LDB2: variants seen among roughly 807,000 people sequenced by gnomAD.
The protein encoded by LDB2 is LIM domain binding 2.
A neutral mutation model predicts 44.3 loss-of-function variants in LDB2; 12 were observed. The observed-to-expected ratio is 0.27, with a 90% CI of 0.17 to 0.44. The LOEUF (loss-of-function observed/expected upper bound fraction) is 0.44. LDB2 is among the 20% of genes least tolerant of loss of function. LDB2 has a pLI of 1.00. For missense variants in LDB2, 344 were observed against 473.5 expected, an observed-to-expected ratio of 0.73 and a Z score of 2.54; for synonymous variants, 164 against 174.8, an observed-to-expected ratio of 0.94 and a Z score of 0.49.
Position 16,748,182 on chromosome 4 carries a change from T to A in LDB2, c.235+10976A>T, listed in dbSNP as rs147605409. Among the ~76,000 whole-genome samples the A allele has an allele frequency of 3.0e-3, 464 of 152,296 alleles. 6 individuals carry two copies. Among genetic ancestry groups the A allele is most frequent in the African/African-American group, 0.011 (451 of 41,566 alleles). On this transcript the variant is annotated intron_variant, in intron 2 of 7. Transcript: ENST00000304523. ...CTTTTTCAGATCTTCAGAATGATAA[T>A]TAGTGTCATCATTGTCAAGTTCAAG...
intron 1 of LDB2, among the ~76,000 whole-genome samples, chr4:16,847,301 G>T (rs1787220187): frequency 6.6e-6 from 1 of 152,136 alleles, no homozygotes; most frequent in Non-Finnish European, 1.5e-5. Flanking sequence ...GGACCAGAAT[G>T]TGGTCAGAGG....
At chr4:16,684,493 C>A (rs901803400) in intron 2 of LDB2, among the ~76,000 whole-genome samples, 1 of 152,146 alleles carries the variant, frequency 6.6e-6, no homozygotes, top group African/African-American at 2.4e-5. Flanking sequence ...TGTATATATT[C>A]CCTGATTACT....
At chr4:16,744,297 C>T (rs1414512670) in intron 2 of LDB2, among the ~76,000 whole-genome samples, 4 of 151,660 alleles carry the variant, frequency 2.6e-5, no homozygotes, top group African/African-American at 9.7e-5. Flanking sequence ...ATTGGGATTA[C>T]AGGCACCCGC....
chr4:16,587,307 G>A (rs188389001), intron 4 of LDB2, among the ~76,000 whole-genome samples: 44 of 152,276 alleles, frequency 2.9e-4, no homozygotes, highest in Admixed American at 7.2e-4. Context: ...CTCTTAATTC[G>A]ATGGTCTGAA....
intron 2 of LDB2, among the ~76,000 whole-genome samples, chr4:16,683,538 A>G (rs550285831): frequency 6.6e-6 from 1 of 152,178 alleles, no homozygotes; most frequent in South Asian, 2.1e-4. Context: ...AAATTGTGTC[A>G]TTTTTCAGGA....
intron 2 of LDB2, among the ~76,000 whole-genome samples, chr4:16,649,301 G>C (rs184769642): frequency 3.3e-5 from 5 of 152,318 alleles, no homozygotes; most frequent in Admixed American, 3.3e-4. Context: ...TGCCCCAAGT[G>C]TTGCCTGTAA....
At chr4:16,806,042 T>G (rs966726856) in intron 1 of LDB2, among the ~76,000 whole-genome samples, 4 of 152,220 alleles carry the variant, frequency 2.6e-5, no homozygotes, top group African/African-American at 9.6e-5. Context: ...AGATCTCTCA[T>G]ATAATTCTCA....
chr4:16,731,232 A>G (rs932301244), intron 2 of LDB2, among the ~76,000 whole-genome samples: 1 of 152,206 alleles, frequency 6.6e-6, no homozygotes, highest in African/African-American at 2.4e-5. Flanking sequence ...ACTGGACTGG[A>G]ATGAAATGGA....
chr4:16,818,711 C>T lies in LDB2; in HGVS notation c.133-59451G>A, dbSNP rs147545410. On this transcript the variant is annotated intron_variant, in intron 1 of 7. Transcript: ENST00000304523. Reference sequence around the variant, plus strand: ...AGGCTTAAAGAGGTTAGAGAATCTACCCAATGAAGCACCTGGATTCAGCTC... The same window carrying T: ...AGGCTTAAAGAGGTTAGAGAATCTATCCAATGAAGCACCTGGATTCAGCTC... 6.7e-3 allele frequency among the ~76,000 whole-genome samples: 1,019 copies of T among 152,274 alleles called. 10 individuals carry two copies. Among genetic ancestry groups the T allele is most frequent in the South Asian group, 0.056 (270 of 4,822 alleles).
At chr4:16,667,351 AC>A (rs1006882161) in intron 2 of LDB2, among the ~76,000 whole-genome samples, 1 of 152,076 alleles carries the variant, frequency 6.6e-6, no homozygotes, top group Non-Finnish European at 1.5e-5. Flanking sequence ...GACATTGTTT[AC>A]CTGGAATGTT....
At chr4:16,555,094 GGT>G (rs1491557239) in intron 5 of LDB2, among the ~76,000 whole-genome samples, 6 of 26,586 alleles carry the variant, frequency 2.3e-4, no homozygotes, top group African/African-American at 6.0e-4. Context: ...AATATGGAGT[GGT>G]TTTTTTTTTT....
intron 1 of LDB2, among the ~76,000 whole-genome samples, chr4:16,891,427 C>T (rs758015209): frequency 4.0e-5 from 6 of 150,752 alleles, no homozygotes; most frequent in Non-Finnish European, 8.8e-5. Context: ...ATTCTCCTGC[C>T]TCAGCCTCCC....
chr4:16,609,887 G>A (rs953834452), intron 2 of LDB2, among the ~76,000 whole-genome samples: 2 of 152,094 alleles, frequency 1.3e-5, no homozygotes, highest in African/African-American at 4.8e-5. Context: ...CCTGCTACCT[G>A]TGCCACCCAA....
chr4:16,742,940 C>A (rs767485362), intron 2 of LDB2, among the ~76,000 whole-genome samples: 3 of 152,180 alleles, frequency 2.0e-5, no homozygotes, highest in Non-Finnish European at 4.4e-5. Flanking sequence ...CCAACCCCTA[C>A]AGCAGGAAAT....
At chr4:16,843,264 A>G (rs1478897666) in intron 1 of LDB2, among the ~76,000 whole-genome samples, 5 of 152,222 alleles carry the variant, frequency 3.3e-5, no homozygotes, top group African/African-American at 1.2e-4. Context: ...GTTATAATAC[A>G]TGTCTTTGGA....
intron 2 of LDB2, among the ~76,000 whole-genome samples, chr4:16,646,854 GA>G (rs1736932204): frequency 6.6e-6 from 1 of 152,168 alleles, no homozygotes; most frequent in African/African-American, 2.4e-5. Context: ...GATATTAATA[GA>G]AAAGGGGAAA....
At chr4:16,618,753 GCT>G (rs1163088963) in intron 2 of LDB2, among the ~76,000 whole-genome samples, 1 of 152,136 alleles carries the variant, frequency 6.6e-6, no homozygotes, top group Non-Finnish European at 1.5e-5. Flanking sequence ...ATATGGTGTG[GCT>G]CTGTGTCCCC....
chr4:16,869,991 C>T (rs191136832), intron 1 of LDB2, among the ~76,000 whole-genome samples: 73 of 152,216 alleles, frequency 4.8e-4, no homozygotes, highest in Non-Finnish European at 1.0e-3. Context: ...GTTCTTTCAG[C>T]GTGATGGTGA....
At chr4:16,809,951 T>TTTA (rs1779519792) in intron 1 of LDB2, among the ~76,000 whole-genome samples, 1 of 152,216 alleles carries the variant, frequency 6.6e-6, no homozygotes, top group Non-Finnish European at 1.5e-5. Flanking sequence ...ATTCTTTTCA[T>TTTA]GTGGTCAATG....
Sources: allele counts gnomAD v4.1 joint callset (sites outside exome capture counted in the v4.1 genomes callset), GRCh38; gene constraint gnomAD v4.1.1; transcripts MANE v1.5; gene names NCBI Gene and HGNC (gene_info 2026-07-23, HGNC 2026-07-21).